Variants in ANKRD30B observed in about 807,000 individuals in gnomAD.
ANKRD30B encodes ankyrin repeat domain-containing protein 30B.
Under a neutral mutation model 202.2 loss-of-function variants are expected in ANKRD30B, and 144 were observed. The observed-to-expected ratio is 0.71, with a 90% CI of 0.62 to 0.82. The LOEUF (loss-of-function observed/expected upper bound fraction) is 0.82. Among genes scored for constraint, ANKRD30B ranks in the 40% least tolerant of loss-of-function variants. The pLI is 0.00. For missense variants in ANKRD30B, 1,487 were observed against 1,669.1 expected (o/e 0.89, Z 1.90); for synonymous variants, 508 against 561.3 (o/e 0.91, Z 1.34).
chr18:14,884,291 A>G, the ANKRD30B span, among the ~76,000 whole-genome samples: 5 of 150,848 alleles, frequency 3.3e-5, no homozygotes, highest in Admixed American at 6.6e-5. Context: ...GCCAGTGAGG[A>G]TCTAAGGTGG....
At chr18:14,900,079 G>GA in the ANKRD30B span, among the ~76,000 whole-genome samples, 1 of 151,922 alleles carries the variant, frequency 6.6e-6, no homozygotes, top group Admixed American at 6.6e-5. Context: ...ATATTAAGTT[G>GA]AAAAAAGATT....
chr18:14,867,037 G>A, the ANKRD30B span, among the ~76,000 whole-genome samples: 1 of 150,194 alleles, frequency 6.7e-6, no homozygotes, highest in South Asian at 2.1e-4. Context: ...AGGGGAAGGT[G>A]GGGTCGGGGG....
chr18:14,884,798 T>C, the ANKRD30B span, among the ~76,000 whole-genome samples: 1 of 152,112 alleles, frequency 6.6e-6, no homozygotes, highest in Admixed American at 6.6e-5. Flanking sequence ...CTGTCAAGTC[T>C]TTTCAACTCA....
intron 14 of ANKRD30B, among the ~76,000 whole-genome samples, chr18:14,784,940 C>T (rs1342455669): frequency 1.3e-5 from 2 of 152,108 alleles, no homozygotes; most frequent in African/African-American, 2.4e-5. Flanking sequence ...TTAATTACCT[C>T]ATTTCCGGTG....
At position 14,851,954 on chromosome 18, in the gene ANKRD30B, A is replaced by G. The variant is rs1352190539; in HGVS notation, c.4010A>G (p.Asp1337Gly). The stretch of plus-strand genomic sequence containing the variant: ...CCTTTGCAAGGAATAATGAATGTTG[A>G]TGTGAGTAATACAATATATAACAAT... The part of the protein sequence containing the change: ...DAPLQGIMNV[D>G]VSNTIYNNEV... Residue 1337 changes from aspartate to glycine, a missense_variant, in exon 42 of 44, where the codon GAT becomes GGT. Asp to Gly is a moderately conservative substitution (Grantham distance 94). Around this residue, in one of 6 missense-constraint regions of ANKRD30B, gnomAD observed 182 missense variants for 216.0 expected, o/e 0.84. Transcript: ENST00000690538. 1 of 1,603,142 alleles carries G rather than the reference A, an allele frequency of 6.2e-7. No homozygotes were observed. The highest frequency in any genetic ancestry group is 1.7e-5 in the Admixed American group (1 of 58,686).
intron 16 of ANKRD30B, among the ~76,000 whole-genome samples, chr18:14,793,371 T>TG (rs1203261058): frequency 6.6e-6 from 1 of 152,212 alleles, no homozygotes; most frequent in Non-Finnish European, 1.5e-5. Context: ...TATAATGTGT[T>TG]GCATTAAAGA....
At chr18:14,871,060 C>A in the ANKRD30B span, among the ~76,000 whole-genome samples, 34 of 120,732 alleles carry the variant, frequency 2.8e-4, 1 homozygote, top group African/African-American at 1.1e-3. Flanking sequence ...CACCCCCACC[C>A]ACACACCCCC....
chr18:14,784,416 T>G, intron 13 of ANKRD30B, 47 bp from the exon 14 acceptor site: 1 of 1,609,758 alleles, frequency 6.2e-7, no homozygotes, highest in Non-Finnish European at 8.5e-7. Flanking sequence ...ATGTACTTTG[T>G]GAAGTACACA....
chr18:14,855,408 T>A (rs1373213564), downstream of ANKRD30B, among the ~76,000 whole-genome samples: 1 of 152,252 alleles, frequency 6.6e-6, no homozygotes, highest in African/African-American at 2.4e-5. Flanking sequence ...CCGTTCCCGA[T>A]GGTGGCTGTC....
chr18:14,787,142 G>T, intron 15 of ANKRD30B, 42 bp downstream of exon 15: 1 of 1,536,050 alleles, frequency 6.5e-7, no homozygotes. Context: ...AGTATTGCAT[G>T]AGATGAAAAC....
chr18:14,794,939 A>G (rs1175001037), intron 16 of ANKRD30B, among the ~76,000 whole-genome samples: 2 of 152,194 alleles, frequency 1.3e-5, no homozygotes, highest in South Asian at 2.1e-4. Context: ...GAAAGGAGAT[A>G]TATTTCTATT....
chr18:14,818,468 G>A (rs907098506), intron 30 of ANKRD30B, among the ~76,000 whole-genome samples: 3 of 150,732 alleles, frequency 2.0e-5, no homozygotes, highest in South Asian at 4.2e-4. Flanking sequence ...CCACCAACTC[G>A]TCATCTACCA....
the ANKRD30B span, among the ~76,000 whole-genome samples, chr18:14,921,212 G>A: frequency 1.3e-5 from 2 of 151,860 alleles, no homozygotes; most frequent in Non-Finnish European, 2.9e-5. Context: ...GGAGACACAT[G>A]AGGCATGTGT....
chr18:14,798,759 G>T (rs956574114), intron 20 of ANKRD30B, among the ~76,000 whole-genome samples: 1 of 152,108 alleles, frequency 6.6e-6, no homozygotes, highest in Non-Finnish European at 1.5e-5. Flanking sequence ...CTCCCTGACG[G>T]CACATCCATT....
At chr18:14,860,994 CCCAGCCAGTGCAAGAATTTCATAA>C in the ANKRD30B span, among the ~76,000 whole-genome samples, 1 of 152,266 alleles carries the variant, frequency 6.6e-6, no homozygotes, top group East Asian at 1.9e-4. Flanking sequence ...AGCCACTGCA[CCCAGCCAGTGCAAGAATTTCATAA>C]CCTGCCAGAC....
intron 14 of ANKRD30B, 138 bp downstream of exon 14, chr18:14,784,673 T>C: frequency 1.0e-6 from 1 of 984,936 alleles, no homozygotes; most frequent in Non-Finnish European, 1.4e-6. Context: ...CTGGTATTTA[T>C]GTTTGAAAAC....
chr18:14,885,340 A>C, the ANKRD30B span, among the ~76,000 whole-genome samples: 1 of 152,052 alleles, frequency 6.6e-6, no homozygotes, highest in Non-Finnish European at 1.5e-5. Context: ...ATGAAACTGC[A>C]TGATAAGCCC....
At chr18:14,890,150 G>A in the ANKRD30B span, 1 of 730,740 alleles carries the variant, frequency 1.4e-6, no homozygotes, top group Non-Finnish European at 2.4e-6. Context: ...AATGATCCAT[G>A]AATGGCCATT....
chr18:14,794,133 A>T (rs1467481018), intron 16 of ANKRD30B, among the ~76,000 whole-genome samples: 1 of 152,164 alleles, frequency 6.6e-6, no homozygotes. Context: ...GAGCCATGCC[A>T]TGTGACCTGT....
Sources: allele counts gnomAD v4.1 joint callset (sites outside exome capture counted in the v4.1 genomes callset), GRCh38; gene constraint gnomAD v4.1.1; regional missense constraint gnomAD v4.1.1; transcripts MANE v1.5; gene names NCBI Gene and HGNC (gene_info 2026-07-23, HGNC 2026-07-21).